SLC25A26: variants seen among roughly 807,000 people sequenced by gnomAD.
SLC25A26 encodes solute carrier family 25 member 26.
A neutral mutation model predicts 37.8 loss-of-function variants in SLC25A26; 36 were observed. The ratio of observed to expected loss-of-function variants is 0.95; its 90% CI spans 0.73 to 1.26. The LOEUF (loss-of-function observed/expected upper bound fraction) is 1.26, where lower values mean the gene tolerates loss of function less well. SLC25A26 is among the 50% of genes most tolerant of loss of function. SLC25A26 has a pLI of 0.00. For missense variants in SLC25A26, 390 were observed against 331.1 expected (o/e 1.18, Z -1.38); for synonymous variants, 129 against 122.5 (o/e 1.05, Z -0.35).
At chr3:66,199,731 T>C (rs1480535388) in intron 1 of SLC25A26, among the ~76,000 whole-genome samples, 1 of 152,040 alleles carries the variant, frequency 6.6e-6, no homozygotes, top group Non-Finnish European at 1.5e-5. Flanking sequence ...CACCATGATA[T>C]TGATCCTGAC....
intron 5 of SLC25A26, among the ~76,000 whole-genome samples, chr3:66,277,878 A>G (rs1488461861): frequency 1.3e-5 from 2 of 152,164 alleles, no homozygotes; most frequent in African/African-American, 2.4e-5. Flanking sequence ...TGATCATGAG[A>G]AAACATCACA....
At chr3:66,230,429 G>A (rs1271978869) in intron 1 of SLC25A26, among the ~76,000 whole-genome samples, 1 of 152,038 alleles carries the variant, frequency 6.6e-6, no homozygotes, top group East Asian at 1.9e-4. Context: ...TTTGTCAGGG[G>A]TGTGTGTGTG....
chr3:66,198,994 G>A lies in SLC25A26; in HGVS notation c.-353-21748G>A, dbSNP rs923826738. 2.7e-4 allele frequency among the ~76,000 whole-genome samples: 41 copies of A among 151,696 alleles called. 1 individual carries two copies. The highest frequency in any genetic ancestry group is 6.6e-4 in the Admixed American group (10 of 15,230). On this transcript the variant is annotated intron_variant, in intron 1 of 10. Coordinates refer to the SLC25A26 transcript ENST00000676754. The stretch of plus-strand genomic sequence containing the variant: ...TGTGACCCCAACCCTAACCATGGCC[G>A]TGACTCTGACCTTTGTTCTGAGATC...
At chr3:66,161,084 C>T (rs140498971) in intron 1 of SLC25A26, among the ~76,000 whole-genome samples, 57,745 of 151,604 alleles carry the variant, frequency 0.38, 11,160 homozygotes, top group Non-Finnish European at 0.42. Flanking sequence ...TTAAATAAGC[C>T]GATTCAGTCT....
chr3:66,158,436 A>G (rs1399928771), intron 1 of SLC25A26, among the ~76,000 whole-genome samples: 1 of 152,066 alleles, frequency 6.6e-6, no homozygotes, highest in Non-Finnish European at 1.5e-5. Flanking sequence ...TTTAGTGTGG[A>G]TGTTACGTTT....
intron 5 of SLC25A26, among the ~76,000 whole-genome samples, chr3:66,345,041 A>T (rs761303873): frequency 2.0e-5 from 3 of 152,182 alleles, no homozygotes; most frequent in Non-Finnish European, 4.4e-5. Flanking sequence ...CAAAGTGCAT[A>T]TTTGCAGAGT....
At chr3:66,168,368 C>A (rs1162961642) in intron 1 of SLC25A26, among the ~76,000 whole-genome samples, 1 of 151,972 alleles carries the variant, frequency 6.6e-6, no homozygotes, top group African/African-American at 2.4e-5. Flanking sequence ...CTGTCCTCGA[C>A]TTCATCTGCA....
chr3:66,345,471 T>C (rs1478011649), intron 5 of SLC25A26, among the ~76,000 whole-genome samples: 2 of 150,770 alleles, frequency 1.3e-5, no homozygotes, highest in Non-Finnish European at 2.9e-5. Flanking sequence ...CCCCGTCTTC[T>C]GTCTTCTGTC....
chr3:66,277,550 A>G (rs1465496265), intron 5 of SLC25A26, among the ~76,000 whole-genome samples: 1 of 152,110 alleles, frequency 6.6e-6, no homozygotes, highest in African/African-American at 2.4e-5. Flanking sequence ...AATTAATTTG[A>G]TTGTGGTAAT....
chr3:66,323,767 T>G (rs796605983), intron 5 of SLC25A26: 50 of 152,340 alleles, frequency 3.3e-4, no homozygotes, highest in African/African-American at 1.1e-3. Flanking sequence ...GAACCTTGTT[T>G]GTGCCACTGC....
At chr3:66,194,417 G>A (rs2071005669) in intron 1 of SLC25A26, among the ~76,000 whole-genome samples, 1 of 152,156 alleles carries the variant, frequency 6.6e-6, no homozygotes, top group South Asian at 2.1e-4. Flanking sequence ...CTGCACTGAA[G>A]TACTTTTACA....
At chr3:66,364,569 C>G (rs896082596) in intron 7 of SLC25A26, among the ~76,000 whole-genome samples, 2 of 152,210 alleles carry the variant, frequency 1.3e-5, no homozygotes, top group African/African-American at 4.8e-5. Context: ...TGCCAGTTTC[C>G]TTACCTGTAA....
intron 1 of SLC25A26, among the ~76,000 whole-genome samples, chr3:66,159,750 C>G (rs756585005): frequency 1.3e-5 from 2 of 152,136 alleles, no homozygotes; most frequent in Non-Finnish European, 2.9e-5. Flanking sequence ...ATGATAGCTT[C>G]CCGTGAACAG....
intron 1 of SLC25A26, among the ~76,000 whole-genome samples, chr3:66,210,671 C>T (rs1002514136): frequency 3.3e-5 from 5 of 152,060 alleles, no homozygotes; most frequent in South Asian, 2.1e-4. Flanking sequence ...GGCCAACATG[C>T]GAGGCTAATT....
At chr3:66,337,526 GAT>G (rs1284858880) in intron 5 of SLC25A26, among the ~76,000 whole-genome samples, 4 of 151,962 alleles carry the variant, frequency 2.6e-5, no homozygotes, top group Non-Finnish European at 5.9e-5. Flanking sequence ...AAATATCTAA[GAT>G]ATTGTTTAGG....
At chr3:66,145,374 A>G (rs1462773311) in intron 1 of SLC25A26, among the ~76,000 whole-genome samples, 1 of 152,202 alleles carries the variant, frequency 6.6e-6, no homozygotes, top group Non-Finnish European at 1.5e-5. Flanking sequence ...ATTTCAAAGG[A>G]CACCATATCA....
intron 7 of SLC25A26, among the ~76,000 whole-genome samples, chr3:66,364,663 G>A (rs933760689): frequency 2.0e-5 from 3 of 152,144 alleles, no homozygotes; most frequent in Non-Finnish European, 2.9e-5. Context: ...CTGCAAAACC[G>A]AGTCGATGTA....
chr3:66,146,817 T>C (rs1452808722), intron 1 of SLC25A26, among the ~76,000 whole-genome samples: 2 of 152,148 alleles, frequency 1.3e-5, no homozygotes, highest in African/African-American at 4.8e-5. Context: ...CTATGTAGTC[T>C]TTTATCCCTC....
chr3:66,193,856 A>G (rs1240656748), intron 1 of SLC25A26, among the ~76,000 whole-genome samples: 7 of 152,188 alleles, frequency 4.6e-5, no homozygotes, highest in Non-Finnish European at 1.0e-4. Flanking sequence ...CACGGACAAG[A>G]AAAGTCTTGG....
Sources: gnomAD v4.1 joint callset for allele counts (sites outside exome capture counted in the v4.1 genomes callset) on GRCh38, gnomAD v4.1.1 for gene constraint, MANE v1.5 for transcripts, NCBI Gene and HGNC (gene_info 2026-07-23, HGNC 2026-07-21) for gene names.